DAPK2: variants seen among roughly 807,000 people sequenced by gnomAD.
DAPK2 encodes the protein death-associated protein kinase 2.
In DAPK2, 35 loss-of-function variants were observed where a neutral mutation model predicts 44.1. The ratio of observed to expected loss-of-function variants is 0.79; its 90% CI spans 0.61 to 1.05. The LOEUF is 1.05. Ranked by LOEUF, DAPK2 falls within the 50% of genes least tolerant of loss-of-function variation. The probability of loss-of-function intolerance (pLI) is 0.00; values close to 1 mark genes in which losing one functional copy is unlikely to be tolerated. For synonymous variants in DAPK2, 174 were observed against 182.6 expected (o/e 0.95, Z 0.38); for missense variants, 453 against 483.2 (o/e 0.94, Z 0.59).
rs1555484568 is a variant in DAPK2 at position 64,036,326 on chromosome 15, T to TATATATATAC, written c.92+3843_92+3844insGTATATATAT. 1.1e-3 allele frequency among the ~76,000 whole-genome samples: 118 copies of TATATATATAC among 109,690 alleles called. 5 individuals are homozygous for TATATATATAC. Among genetic ancestry groups the TATATATATAC allele is most frequent in the Middle Eastern group, 4.2e-3 (1 of 236 alleles). 72.0% of individuals were successfully genotyped at this position (109,690 alleles called of 152,430 possible). ...GTGTGTGTGTATATATATGTATATA[T>TATATATATAC]ATATATATATACATATATATATATA... On this transcript the variant is annotated intron_variant, in intron 1 of 10. Transcript: ENST00000261891.
rs145523205 is a variant in DAPK2 at position 64,016,010 on chromosome 15, G to A, written c.92+24160C>T. ...CAAACTAACACAGCAGGGAAAGGGG[G>A]CATAGGGAGGAAGGCTTGGGTTCTT... On this transcript the variant is annotated intron_variant, in intron 1 of 10. Transcript: ENST00000261891. 2.1e-4 allele frequency among the ~76,000 whole-genome samples: 32 copies of A among 152,352 alleles called. No homozygotes were observed. The East Asian group carries it at 5.6e-3, about 27-fold the overall frequency.
intron 1 of DAPK2, among the ~76,000 whole-genome samples, chr15:64,030,843 C>CTA (rs1595914024): frequency 1.3e-5 from 2 of 152,058 alleles, no homozygotes; most frequent in East Asian, 3.9e-4. Context: ...GGGCACATGC[C>CTA]TATAGCCCTA....
chr15:64,001,702 C>A (rs938141658), intron 1 of DAPK2, among the ~76,000 whole-genome samples: 2 of 152,166 alleles, frequency 1.3e-5, no homozygotes, highest in African/African-American at 4.8e-5. Context: ...ATTGACTCCA[C>A]CTGGAAGCTT....
chr15:64,015,510 T>C (rs1206575780), intron 1 of DAPK2, among the ~76,000 whole-genome samples: 2 of 152,332 alleles, frequency 1.3e-5, no homozygotes, highest in African/African-American at 2.4e-5. Context: ...TGGGCAGTCA[T>C]AGTGGGTTGA....
At chr15:63,929,958 A>G (rs1029645163) in intron 5 of DAPK2, 1 of 441,772 alleles carries the variant, frequency 2.3e-6, no homozygotes, top group East Asian at 5.1e-5. Context: ...TTGGCCAACT[A>G]TAAAGCAGCG....
rs532599346 is a variant in DAPK2, at chr15:63,930,333, C to T, written c.632+74G>A. 19 of 1,399,584 alleles carry T rather than the reference C, an allele frequency of 1.4e-5. No individual in the cohort carries two copies. In the African/African-American group the frequency reaches 2.1e-4, roughly 16 times the overall value. The allele number at this position is 1,399,584 out of a possible 1,614,324, so 86.7% of individuals were successfully genotyped here. ...GGGGCTTTCATGGTTAAGCGGATGT[C>T]ACCTGGAGCAGGATCTGAGGCCTTC... On this transcript the variant is annotated intron_variant, in intron 5 of 10. Transcript: ENST00000261891.
In DAPK2 at chr15:63,967,202, A is replaced by C. The variant is rs539294426; in HGVS notation, c.453+4221T>G. 5.9e-5 allele frequency among the ~76,000 whole-genome samples: 9 copies of C among 151,986 alleles called. No individual in the cohort carries two copies. In the South Asian group the frequency reaches 1.9e-3, roughly 32 times the overall value. On this transcript the variant is annotated intron_variant, in intron 3 of 10. Transcript: ENST00000261891. ...CTCAAAAAAATAAATAAATAAAATAAAATAAAACAATAAATAAAACCAGGT... is the reference window on the plus strand; with the variant it reads ...CTCAAAAAAATAAATAAATAAAATACAATAAAACAATAAATAAAACCAGGT...
At chr15:63,950,579 T>C (rs2077560755) in intron 3 of DAPK2, among the ~76,000 whole-genome samples, 1 of 152,154 alleles carries the variant, frequency 6.6e-6, no homozygotes, top group Non-Finnish European at 1.5e-5. Flanking sequence ...AAACACTGTT[T>C]TATTTTTTTT....
chr15:63,907,106 G>A (rs563447484), exon 11 of DAPK2: 1 of 152,218 alleles, frequency 6.6e-6, no homozygotes, highest in East Asian at 1.9e-4. Context: ...GTGTCAGCAG[G>A]GTTGGTTTCC....
chr15:64,030,444 T>C (rs1324756632), intron 1 of DAPK2, among the ~76,000 whole-genome samples: 4 of 152,112 alleles, frequency 2.6e-5, no homozygotes, highest in Non-Finnish European at 5.9e-5. Context: ...AACTGGGCCA[T>C]AGTCCTGTGG....
intron 2 of DAPK2, among the ~76,000 whole-genome samples, chr15:63,981,786 AG>A (rs2078522855): frequency 6.6e-6 from 1 of 152,158 alleles, no homozygotes; most frequent in African/African-American, 2.4e-5. Context: ...TGGGTCACGC[AG>A]GGCAGGCATC....
chr15:63,959,419 T>C (rs1026060579), intron 3 of DAPK2, among the ~76,000 whole-genome samples: 2 of 152,150 alleles, frequency 1.3e-5, no homozygotes, highest in African/African-American at 4.8e-5. Flanking sequence ...GAGAGGGCAT[T>C]CCTGTCTTGT....
At chr15:63,987,833 T>C (rs2078707030) in intron 1 of DAPK2, among the ~76,000 whole-genome samples, 2 of 152,192 alleles carry the variant, frequency 1.3e-5, no homozygotes, top group African/African-American at 2.4e-5. Flanking sequence ...GCCAGGACCC[T>C]GGGCAGCCTG....
intron 1 of DAPK2, among the ~76,000 whole-genome samples, chr15:64,005,975 T>C (rs2079216066): frequency 6.7e-6 from 1 of 149,244 alleles, no homozygotes; most frequent in South Asian, 2.1e-4. Flanking sequence ...TTAAGGCTGC[T>C]GCAGTGACCT....
intron 1 of DAPK2, among the ~76,000 whole-genome samples, chr15:64,045,457 C>T (rs1211683269): frequency 6.6e-6 from 1 of 152,166 alleles, no homozygotes; most frequent in Non-Finnish European, 1.5e-5. Flanking sequence ...CTGCCCTCCA[C>T]AGGATTCCAG....
intron 1 of DAPK2, among the ~76,000 whole-genome samples, chr15:64,025,678 A>T (rs1251287609): frequency 2.0e-5 from 3 of 152,252 alleles, no homozygotes. Flanking sequence ...CCAAGAAGCA[A>T]AATGTAGGAT....
At chr15:64,004,488 A>G (rs2079175932) in intron 1 of DAPK2, among the ~76,000 whole-genome samples, 1 of 152,206 alleles carries the variant, frequency 6.6e-6, no homozygotes, top group Non-Finnish European at 1.5e-5. Flanking sequence ...GGCTTGCCTC[A>G]TGCTGATACC....
chr15:63,973,279 G>T (rs2078261514), intron 2 of DAPK2, among the ~76,000 whole-genome samples: 1 of 152,220 alleles, frequency 6.6e-6, no homozygotes, highest in Non-Finnish European at 1.5e-5. Context: ...AGAGCTGGTG[G>T]GCCCCTGGGC....
chr15:63,925,762 G>A (rs1343018147), intron 7 of DAPK2, among the ~76,000 whole-genome samples, 179 bp downstream of exon 8: 1 of 151,412 alleles, frequency 6.6e-6, no homozygotes, highest in Non-Finnish European at 1.5e-5. Flanking sequence ...AGAAAGACTT[G>A]AGCAAACAAG....
Sources: gnomAD v4.1 joint callset for allele counts (sites outside exome capture counted in the v4.1 genomes callset) on GRCh38, gnomAD v4.1.1 for gene constraint, MANE v1.5 for transcripts, NCBI Gene and HGNC (gene_info 2026-07-23, HGNC 2026-07-21) for gene names.